LRP6: variants seen among roughly 807,000 people sequenced by gnomAD.
LRP6 encodes low-density lipoprotein receptor-related protein 6.
LRP6 carries 43 observed loss-of-function variants against 184.1 expected under a neutral mutation model. That is an observed-to-expected ratio of 0.23 (90% CI 0.18 to 0.30). LRP6 has a LOEUF of 0.30. LRP6 is among the 10% of genes least tolerant of loss of function. The pLI is 1.00. For missense variants in LRP6, 1,571 were observed against 2,005.3 expected, an observed-to-expected ratio of 0.78 and a Z score of 4.14; for synonymous variants, 719 against 684.9, an observed-to-expected ratio of 1.05 and a Z score of -0.78.
At chr12:12,203,106 C>A in intron 3 of LRP6, 97 bp downstream of exon 3, 1 of 872,584 alleles carries the variant, frequency 1.1e-6, no homozygotes, top group Non-Finnish European at 1.7e-6. Context: ...GGCACTTAGT[C>A]AAAAATAAAC....
chr12:12,126,118 C>T lies in LRP6; in HGVS notation c.4312+573G>A, dbSNP rs145945949. Among the ~76,000 whole-genome samples, 345 of 152,266 alleles carry T rather than the reference C, an allele frequency of 2.3e-3. 3 individuals are homozygous for T. Among genetic ancestry groups the T allele is most frequent in the African/African-American group, 7.6e-3 (314 of 41,546 alleles). On this transcript the variant is annotated intron_variant, in intron 20 of 22. Coordinates refer to ENST00000261349, the MANE Select transcript of LRP6 (RefSeq NM_002336.3). ...TCTTTTAACTAAGGGCACCAGAAAA[C>T]ATTAAAAAGAAGGCCAGTTCCCTAG...
intron 18 of LRP6, among the ~76,000 whole-genome samples, chr12:12,131,398 A>G (rs957609981): frequency 6.6e-6 from 1 of 152,098 alleles, no homozygotes; most frequent in Non-Finnish European, 1.5e-5. Context: ...GTGAGCCACC[A>G]CGCCCGGCTT....
rs746826805 is a variant in LRP6, at chr12:12,118,581, C to T, written c.*2545G>A. ...TGTGATCTCATGCTTTTCCTCTCAA[C>T]TTTTCCAATTACAGCTTGTGTTTGA... On this transcript the variant is annotated 3_prime_UTR_variant, in exon 23 of 23. Transcript: ENST00000261349. The T allele has an allele frequency of 6.6e-6, 1 of 152,146 alleles. No individual in the cohort carries two copies. Among genetic ancestry groups the T allele is most frequent in the African/African-American group, 2.4e-5 (1 of 41,426 alleles). The allele number at this position is 152,146 out of a possible 1,614,324, so 9.4% of individuals were successfully genotyped here. A position where few individuals can be genotyped will look rare whatever the true frequency, so the allele number is the denominator to read the frequency against.
At chr12:12,257,655 C>T (rs1166219957) in intron 1 of LRP6, among the ~76,000 whole-genome samples, 1 of 142,814 alleles carries the variant, frequency 7.0e-6, no homozygotes, top group Non-Finnish European at 1.5e-5. Context: ...GAAAAAAGTA[C>T]TTGAGGCCAG....
At chr12:12,182,006 G>A (rs2136993475) in intron 5 of LRP6, among the ~76,000 whole-genome samples, 1 of 152,162 alleles carries the variant, frequency 6.6e-6, no homozygotes, top group East Asian at 1.9e-4. Flanking sequence ...AGAAATACAG[G>A]GCAATACCTC....
At chr12:12,135,127 G>C in intron 17 of LRP6, 48 bp downstream of exon 17, 1 of 1,612,290 alleles carries the variant, frequency 6.2e-7, no homozygotes, top group South Asian at 1.1e-5. Flanking sequence ...TTAAGATATG[G>C]AATATGTTTG....
At chr12:12,209,652 G>A (rs1591950000) in intron 2 of LRP6, among the ~76,000 whole-genome samples, 1 of 152,070 alleles carries the variant, frequency 6.6e-6, no homozygotes, top group African/African-American at 2.4e-5. Context: ...AACCGAAAAA[G>A]CGATTAGGAC....
At chr12:12,257,454 G>A (rs929234256) in intron 1 of LRP6, among the ~76,000 whole-genome samples, 26 of 151,726 alleles carry the variant, frequency 1.7e-4, no homozygotes, top group African/African-American at 5.8e-4. Context: ...GGTGGTGGGC[G>A]CCTGTAGTCC....
At chr12:12,163,957 C>G (rs976685134) in intron 9 of LRP6, among the ~76,000 whole-genome samples, 1 of 152,080 alleles carries the variant, frequency 6.6e-6, no homozygotes, top group African/African-American at 2.4e-5. Context: ...TGGTGAAACC[C>G]CGTCACTACT....
rs758832627 is a variant in LRP6, at chr12:12,194,671, C to T, written c.648-7552G>A. ...CAATGTTGCAATATATATAAGGTAC[C>T]GTGATCAGCTCAGGGTAATCAGCAT... On this transcript the variant is annotated intron_variant, in intron 3 of 22. Coordinates refer to ENST00000261349, the MANE Select transcript of LRP6 (RefSeq NM_002336.3). Among the ~76,000 whole-genome samples the T allele has an allele frequency of 5.3e-5, 8 of 151,960 alleles. No individual in the cohort carries two copies. In the South Asian group the frequency reaches 8.3e-4, roughly 16 times the overall value.
chr12:12,266,352 C>G (rs192214147), intron 1 of LRP6, among the ~76,000 whole-genome samples: 2 of 152,284 alleles, frequency 1.3e-5, no homozygotes. Context: ...ACCCTTTTCC[C>G]TGGAAGACCC....
intron 19 of LRP6, among the ~76,000 whole-genome samples, chr12:12,129,673 C>T (rs1168402044): frequency 1.3e-5 from 2 of 152,086 alleles, no homozygotes; most frequent in Admixed American, 1.3e-4. Context: ...TTGCCTCAGC[C>T]TCCTGAGTAG....
In LRP6 at chr12:12,125,362, G is replaced by A; in HGVS notation, c.4383C>T (p.Asp1461=). Residue 1461 remains aspartate (D), a synonymous_variant, in exon 21 of 23, where the codon GAC becomes GAT. Coordinates refer to ENST00000261349, the MANE Select transcript of LRP6 (RefSeq NM_002336.3). ...IMGGSSGPPY[D]RAHVTGASSS... ...ATGATGCTCCTGTAACATGGGCTCG[G>A]TCATAGGGGGGTCCACTGCTTCCCC... The A allele has an allele frequency of 1.2e-6, 2 of 1,613,972 alleles. 1 individual carries two copies. Among genetic ancestry groups the A allele is most frequent in the South Asian group, 2.2e-5 (2 of 91,068 alleles).
intron 12 of LRP6, among the ~76,000 whole-genome samples, chr12:12,153,123 A>G (rs1591891777): frequency 6.6e-6 from 1 of 152,306 alleles, no homozygotes; most frequent in Middle Eastern, 3.4e-3. Flanking sequence ...GTCTCCCACT[A>G]TCATTTTTAT....
At chr12:12,242,157 T>C (rs2135913358) in intron 2 of LRP6, among the ~76,000 whole-genome samples, 1 of 152,300 alleles carries the variant, frequency 6.6e-6, no homozygotes, top group Non-Finnish European at 1.5e-5. Context: ...CAAAATTTGG[T>C]AATGAAGCTC....
intron 22 of LRP6, 107 bp downstream of exon 22, chr12:12,124,458 G>GTC: frequency 2.5e-6 from 2 of 785,664 alleles, no homozygotes; most frequent in South Asian, 1.4e-5. Context: ...AAGATGACTA[G>GTC]TCTCTCTCTG....
At chr12:12,229,707 T>C (rs1864731736) in intron 2 of LRP6, among the ~76,000 whole-genome samples, 1 of 152,208 alleles carries the variant, frequency 6.6e-6, no homozygotes, top group African/African-American at 2.4e-5. Context: ...CCAATTTTAG[T>C]ATGCTTTGGG....
At chr12:12,173,143 A>G (rs1248353256) in intron 7 of LRP6, among the ~76,000 whole-genome samples, 1 of 152,174 alleles carries the variant, frequency 6.6e-6, no homozygotes, top group Non-Finnish European at 1.5e-5. Flanking sequence ...GAAACGAAAA[A>G]ATTGAGAACA....
intron 1 of LRP6, among the ~76,000 whole-genome samples, chr12:12,251,003 T>C (rs1196079391): frequency 6.6e-6 from 1 of 151,948 alleles, no homozygotes; most frequent in Non-Finnish European, 1.5e-5. Context: ...CAATCTGGGC[T>C]TAATGTAACC....
Sources: gnomAD v4.1 joint callset for allele counts (sites outside exome capture counted in the v4.1 genomes callset) on GRCh38, gnomAD v4.1.1 for gene constraint, MANE v1.5 for transcripts, NCBI Gene and HGNC (gene_info 2026-07-23, HGNC 2026-07-21) for gene names.